GOLGA1: variants seen among roughly 807,000 people sequenced by gnomAD.
GOLGA1 encodes golgin A1, also known as golgin subfamily A member 1.
A neutral mutation model predicts 119.7 loss-of-function variants in GOLGA1; 63 were observed. The observed-to-expected ratio is 0.53, with a 90% CI of 0.43 to 0.65. GOLGA1 has a LOEUF of 0.65. Among genes scored for constraint, GOLGA1 ranks in the 30% least tolerant of loss-of-function variants. GOLGA1 has a pLI of 0.00. For synonymous variants in GOLGA1, 318 were observed against 333.4 expected, an observed-to-expected ratio of 0.95 and a Z score of 0.50; for missense variants, 798 against 912.8, an observed-to-expected ratio of 0.87 and a Z score of 1.62.
Position 124,904,090 on chromosome 9 carries a change from T to G in GOLGA1, c.1066-3543A>C, listed in dbSNP as rs1367043828. ...AAAATTCTAAAAAAAAAAAAAATTC[T>G]GTTAAAAAAAAAAAAGGAATGAAAG... is the stretch of plus-strand genomic sequence containing the variant. On this transcript the variant is annotated intron_variant, in intron 12 of 22. Transcript: ENST00000373555. Among the ~76,000 whole-genome samples the G allele has an allele frequency of 6.3e-5, 9 of 143,142 alleles. No homozygotes were observed. The South Asian group carries it at 2.0e-3, about 32-fold the overall frequency. The allele number at this position is 143,142 out of a possible 152,430, so 93.9% of individuals were successfully genotyped here. A position where few individuals can be genotyped will look rare whatever the true frequency, so the allele number is the denominator to read the frequency against.
chr9:124,940,510 T>C (rs1830986510), intron 1 of GOLGA1, among the ~76,000 whole-genome samples: 1 of 152,172 alleles, frequency 6.6e-6, no homozygotes, highest in Non-Finnish European at 1.5e-5. Flanking sequence ...CACATACTGT[T>C]TACCCGGCCA....
At chr9:124,932,933 G>T (rs904862733) in intron 3 of GOLGA1, among the ~76,000 whole-genome samples, 6 of 151,986 alleles carry the variant, frequency 3.9e-5, no homozygotes, top group African/African-American at 1.5e-4. Context: ...TAATCATCTC[G>T]GAGACGATTC....
At chr9:124,891,527 T>C (rs1829853742) in intron 15 of GOLGA1, among the ~76,000 whole-genome samples, 1 of 152,250 alleles carries the variant, frequency 6.6e-6, no homozygotes, top group African/African-American at 2.4e-5. Context: ...AGTAGACTGT[T>C]AAACTAAATA....
intron 10 of GOLGA1, among the ~76,000 whole-genome samples, chr9:124,912,305 G>A (rs769314485): frequency 2.0e-5 from 3 of 152,164 alleles, no homozygotes; most frequent in Non-Finnish European, 4.4e-5. Context: ...ACGTGGTAGA[G>A]GCAGCAGAAC....
chr9:124,913,909 C>T (rs1830387345), intron 10 of GOLGA1, among the ~76,000 whole-genome samples: 2 of 152,130 alleles, frequency 1.3e-5, no homozygotes, highest in African/African-American at 4.8e-5. Context: ...GCATAAAGGG[C>T]AGCACATACA....
chr9:124,895,891 A>C (rs1829975488), intron 15 of GOLGA1, among the ~76,000 whole-genome samples: 4 of 150,044 alleles, frequency 2.7e-5, no homozygotes, highest in Non-Finnish European at 5.9e-5. Context: ...CACAACAGAG[A>C]CCCACCCACA....
At chr9:124,902,679 CAG>C (rs1004400566) in intron 12 of GOLGA1, among the ~76,000 whole-genome samples, 5 of 151,722 alleles carry the variant, frequency 3.3e-5, no homozygotes, top group African/African-American at 1.2e-4. Flanking sequence ...TTAGTAGAGA[CAG>C]GGTTTCACCG....
rs1347454567 is a variant in GOLGA1 at position 124,907,951 on chromosome 9, A to T, written c.1065+426T>A. Among the ~76,000 whole-genome samples the T allele has an allele frequency of 2.0e-5, 3 of 152,218 alleles. No homozygotes were observed. The East Asian group carries it at 5.8e-4, about 29-fold the overall frequency. On this transcript the variant is annotated intron_variant, in intron 12 of 22. Coordinates refer to ENST00000373555, the MANE Select transcript of GOLGA1 (RefSeq NM_002077.4). ...TGATCTGAGGTGGCAGGAAGAAGGA[A>T]GCAATCTGGATGTCTACCACATAGA...
At chr9:124,938,481 A>AAACCATGAAAGGTATG (rs1358453692) in intron 3 of GOLGA1, 96 bp downstream of exon 3, 14 of 1,043,366 alleles carry the variant, frequency 1.3e-5, no homozygotes, top group Non-Finnish European at 1.9e-5. Flanking sequence ...GTACAGCTAT[A>AAACCATGAAAGGTATG]AACCATGAAA....
At chr9:124,916,883 A>AAAAAAAAAAAAAAAAAAAAC (rs1830457994) in intron 10 of GOLGA1, among the ~76,000 whole-genome samples, 1 of 149,008 alleles carries the variant, frequency 6.7e-6, no homozygotes, top group Admixed American at 6.7e-5. Flanking sequence ...CACACAAAAA[A>AAAAAAAAAAAAAAAAAAAAC]AAAAAAAAAA....
chr9:124,889,174 T>A lies in GOLGA1; in HGVS notation c.1730A>T (p.Gln577Leu), dbSNP rs1454931134. 6.2e-7 allele frequency: 1 copy of A among 1,612,058 alleles called. No individual in the cohort carries two copies. The highest frequency in any genetic ancestry group is 1.1e-5 in the South Asian group (1 of 90,964). The change falls in exon 18 of 23, where the codon CAG becomes CTG. Residue 577 changes from glutamine (Q) to leucine (L), a missense_variant. Transcript: ENST00000373555. ...EDLLRLRGPL[Q>L]AEALSVNESH... is the part of the protein sequence containing the mutation. Reference sequence around the variant, plus strand: ...CTCATTGACTGAGAGTGCTTCGGCCTGCAATGGGCCCCGCAGCCTCAGCAG... The same window carrying A: ...CTCATTGACTGAGAGTGCTTCGGCCAGCAATGGGCCCCGCAGCCTCAGCAG...
intron 3 of GOLGA1, among the ~76,000 whole-genome samples, chr9:124,936,865 T>C (rs992568452): frequency 6.6e-6 from 1 of 152,226 alleles, no homozygotes; most frequent in African/African-American, 2.4e-5. Flanking sequence ...GTCTACAGTG[T>C]GCAACTTTTA....
chr9:124,900,995 G>A (rs911019816), intron 12 of GOLGA1, among the ~76,000 whole-genome samples: 9 of 142,226 alleles, frequency 6.3e-5, no homozygotes, highest in African/African-American at 2.3e-4. Context: ...TTTTTGAGAT[G>A]GAGTCTTGCT....
Position 124,888,131 on chromosome 9 carries a change from G to T in GOLGA1, c.1905+122C>A. 1.2e-6 allele frequency: 1 copy of T among 857,572 alleles called. No individual in the cohort carries two copies. Among genetic ancestry groups the T allele is most frequent in the Non-Finnish European group, 1.9e-6 (1 of 516,274 alleles). The allele number at this position is 857,572 out of a possible 1,614,324, so 53.1% of individuals were successfully genotyped here. ...GGAGGAAGGCCTTTGGGTGAGAGGG[G>T]TCATGGTTGCCAGGAGGTGCGGGGG... On this transcript the variant is annotated intron_variant, in intron 19 of 22. Transcript: ENST00000373555. The surrounding 1 kb of genome is among the most constrained non-coding windows in gnomAD (Gnocchi z 4.4).
intron 3 of GOLGA1, among the ~76,000 whole-genome samples, chr9:124,936,093 G>A (rs915855435): frequency 6.6e-6 from 1 of 152,142 alleles, no homozygotes. Context: ...GTCAATCTCT[G>A]TATTTGGAAT....
chr9:124,937,610 G>A (rs1372798486), intron 3 of GOLGA1, among the ~76,000 whole-genome samples: 7 of 143,580 alleles, frequency 4.9e-5, no homozygotes, highest in African/African-American at 1.8e-4. Flanking sequence ...CGGCCTGGCT[G>A]ACAGAGTGAG....
chr9:124,921,088 G>A (rs766970658), intron 10 of GOLGA1, 41 bp downstream of exon 10: 80 of 1,196,680 alleles, frequency 6.7e-5, no homozygotes, highest in Non-Finnish European at 9.5e-5. Context: ...TAGTTTTTAT[G>A]AATCTTAGAA....
At chr9:124,907,044 T>C (rs1350274074) in intron 12 of GOLGA1, among the ~76,000 whole-genome samples, 1 of 151,990 alleles carries the variant, frequency 6.6e-6, no homozygotes, top group Non-Finnish European at 1.5e-5. Context: ...GGCCCATAAA[T>C]AGTTAAAGTC....
chr9:124,913,776 A>G (rs539997620), intron 10 of GOLGA1, among the ~76,000 whole-genome samples: 1 of 152,234 alleles, frequency 6.6e-6, no homozygotes, highest in African/African-American at 2.4e-5. Flanking sequence ...CTGTGCTTCA[A>G]CAGAGGGACA....
Sources: allele counts gnomAD v4.1 joint callset (sites outside exome capture counted in the v4.1 genomes callset), GRCh38; gene constraint gnomAD v4.1.1; non-coding constraint Gnocchi (gnomAD v3.1); transcripts MANE v1.5; gene names NCBI Gene and HGNC (gene_info 2026-07-23, HGNC 2026-07-21).